SLC24A2: variants seen among roughly 807,000 people sequenced by gnomAD.
SLC24A2 encodes the protein sodium/potassium/calcium exchanger 2.
In SLC24A2, 36 loss-of-function variants were observed where a neutral mutation model predicts 62.0. That is an observed-to-expected ratio of 0.58 (90% CI 0.44 to 0.77). The LOEUF (loss-of-function observed/expected upper bound fraction) is 0.77, where lower values mean the gene tolerates loss of function less well. Among genes scored for constraint, SLC24A2 ranks in the 30% least tolerant of loss-of-function variants. SLC24A2 has a pLI of 0.00. For synonymous variants in SLC24A2, 358 were observed against 294.0 expected, an observed-to-expected ratio of 1.22 and a Z score of -2.23; for missense variants, 846 against 817.9, an observed-to-expected ratio of 1.03 and a Z score of -0.42.
chr9:20,147,795 G>GA, the SLC24A2 span, among the ~76,000 whole-genome samples: 1 of 152,074 alleles, frequency 6.6e-6, no homozygotes, highest in East Asian at 1.9e-4. Context: ...CTGGGGCAAA[G>GA]AAAACTAGAC....
chr9:19,708,125 A>G (rs1159792461), intron 2 of SLC24A2, among the ~76,000 whole-genome samples: 1 of 152,194 alleles, frequency 6.6e-6, no homozygotes, highest in Admixed American at 6.5e-5. Context: ...ACAAACAGAG[A>G]GCCAAATCAT....
At chr9:19,703,386 G>A (rs1456115351) in intron 2 of SLC24A2, among the ~76,000 whole-genome samples, 1 of 152,188 alleles carries the variant, frequency 6.6e-6, no homozygotes, top group African/African-American at 2.4e-5. Context: ...CCTTCTTGGA[G>A]TGAGAGGGGT....
the SLC24A2 span, among the ~76,000 whole-genome samples, chr9:20,096,230 T>C: frequency 6.6e-6 from 1 of 152,142 alleles, no homozygotes; most frequent in Admixed American, 6.5e-5. Flanking sequence ...TGTTATAGAG[T>C]ATGCAACCTT....
rs79513804 is a variant in SLC24A2, at chr9:19,632,450, C to G, written c.931-10151G>C. 0.017 allele frequency among the ~76,000 whole-genome samples: 2,517 copies of G among 152,244 alleles called. 48 individuals carry two copies. Among genetic ancestry groups the G allele is most frequent in the East Asian group, 0.093 (482 of 5,176 alleles). On this transcript the variant is annotated intron_variant, in intron 2 of 10. Transcript: ENST00000341998. The surrounding 1 kb of genome is among the most constrained non-coding windows in gnomAD (Gnocchi z 4.5). ...AAAATAGCCCAAATCCTTGCTTTCA[C>G]GGAGTGTATATTCTAGCCTAGATCT...
chr9:20,066,212 A>T, the SLC24A2 span, among the ~76,000 whole-genome samples: 59 of 152,338 alleles, frequency 3.9e-4, no homozygotes, highest in African/African-American at 1.4e-3. Flanking sequence ...GATTCAACAA[A>T]AAATAATAAA....
chr9:20,247,616 C>A, the SLC24A2 span, among the ~76,000 whole-genome samples: 1 of 152,206 alleles, frequency 6.6e-6, no homozygotes, highest in Non-Finnish European at 1.5e-5. Context: ...TGATCTTAGA[C>A]TTCTCTGTCT....
At chr9:19,793,242 A>G (rs575705709), upstream of SLC24A2, among the ~76,000 whole-genome samples, 2 of 152,364 alleles carry the variant, frequency 1.3e-5, no homozygotes, top group African/African-American at 4.8e-5. Context: ...CACTTGTGCT[A>G]CCTGTCCTTT....
the SLC24A2 span, among the ~76,000 whole-genome samples, chr9:20,129,468 A>G: frequency 6.6e-6 from 1 of 152,130 alleles, no homozygotes; most frequent in African/African-American, 2.4e-5. Context: ...TCAAACAAAA[A>G]CTTGTACACG....
At chr9:19,956,851 C>T in the SLC24A2 span, among the ~76,000 whole-genome samples, 1 of 152,106 alleles carries the variant, frequency 6.6e-6, no homozygotes, top group African/African-American at 2.4e-5. Context: ...GGGATTGGTG[C>T]CCTTATAAAA....
intron 5 of SLC24A2, 27 bp from the exon 6 acceptor site, chr9:19,577,049 G>C: frequency 6.4e-7 from 1 of 1,572,464 alleles, no homozygotes; most frequent in Non-Finnish European, 8.8e-7. Context: ...TGGCAGGAAG[G>C]AGACACAATG....
chr9:19,847,278 C>T, the SLC24A2 span, among the ~76,000 whole-genome samples: 2 of 151,852 alleles, frequency 1.3e-5, no homozygotes, highest in African/African-American at 4.8e-5. Flanking sequence ...TTTAAATAGC[C>T]CTGAGGGAAG....
At chr9:19,948,556 T>C in the SLC24A2 span, among the ~76,000 whole-genome samples, 1 of 152,286 alleles carries the variant, frequency 6.6e-6, no homozygotes, top group Admixed American at 6.5e-5. Flanking sequence ...AGATTGACTG[T>C]TAAGAAAACA....
chr9:20,203,924 G>C, the SLC24A2 span, among the ~76,000 whole-genome samples: 1 of 152,170 alleles, frequency 6.6e-6, no homozygotes, highest in African/African-American at 2.4e-5. Flanking sequence ...CGTATTTAGT[G>C]TAGATGGGTG....
At chr9:20,295,481 A>G in the SLC24A2 span, among the ~76,000 whole-genome samples, 1 of 152,178 alleles carries the variant, frequency 6.6e-6, no homozygotes, top group Non-Finnish European at 1.5e-5. Context: ...CTGGTAAATC[A>G]TTATTCTGGG....
At chr9:20,098,903 C>A in the SLC24A2 span, among the ~76,000 whole-genome samples, 1 of 152,200 alleles carries the variant, frequency 6.6e-6, no homozygotes, top group Non-Finnish European at 1.5e-5. Flanking sequence ...CTTAGCTGTT[C>A]TGCCACTGAT....
At chr9:20,143,950 C>G in the SLC24A2 span, among the ~76,000 whole-genome samples, 3 of 152,286 alleles carry the variant, frequency 2.0e-5, no homozygotes, top group Middle Eastern at 3.4e-3. Flanking sequence ...CAAACTGTAT[C>G]TTGTTGATCT....
the SLC24A2 span, among the ~76,000 whole-genome samples, chr9:19,815,131 T>C: frequency 6.6e-6 from 1 of 152,138 alleles, no homozygotes; most frequent in African/African-American, 2.4e-5. Context: ...CTACAAACCC[T>C]GGGCCCTAAG....
the SLC24A2 span, among the ~76,000 whole-genome samples, chr9:20,241,699 G>T: frequency 6.6e-6 from 1 of 152,130 alleles, no homozygotes; most frequent in Non-Finnish European, 1.5e-5. Flanking sequence ...GTGTGCCACA[G>T]TGCTAAAGGG....
chr9:19,906,600 A>G, the SLC24A2 span, among the ~76,000 whole-genome samples: 5 of 152,198 alleles, frequency 3.3e-5, no homozygotes, highest in Admixed American at 3.3e-4. Context: ...TAAAGAAGAA[A>G]AGAGAGAAGA....
Sources: gnomAD v4.1 joint callset for allele counts (sites outside exome capture counted in the v4.1 genomes callset) on GRCh38, gnomAD v4.1.1 for gene constraint, Gnocchi (gnomAD v3.1) non-coding constraint, MANE v1.5 for transcripts, NCBI Gene and HGNC (gene_info 2026-07-23, HGNC 2026-07-21) for gene names.